MYL4: variants seen among roughly 807,000 people sequenced by gnomAD.
The protein encoded by MYL4 is myosin light chain 4.
In MYL4, 16 loss-of-function variants were observed where a neutral mutation model predicts 21.6. That is an observed-to-expected ratio of 0.74 (90% CI 0.50 to 1.12). MYL4 has a LOEUF of 1.12. MYL4 is among the 50% of genes most tolerant of loss of function. MYL4 has a pLI of 0.00. For missense variants in MYL4, 249 were observed against 252.9 expected, an observed-to-expected ratio of 0.98 and a Z score of 0.11; for synonymous variants, 82 against 95.7, an observed-to-expected ratio of 0.86 and a Z score of 0.83.
In MYL4 at chr17:47,223,051, C is replaced by G. The variant is rs1347254635; in HGVS notation, c.*9C>G. ...ACATCATGTCAGGGTGAAGCAGAGT[C>G]TTCCAGGTGAGTGCAGCCTCTCCCT... is the stretch of plus-strand genomic sequence containing the variant. On this transcript the variant is annotated 3_prime_UTR_variant, in exon 6 of 7. Transcript: ENST00000393450. The G allele has an allele frequency of 6.2e-7, 1 of 1,614,144 alleles. No individual in the cohort carries two copies. Among genetic ancestry groups the G allele is most frequent in the Admixed American group, 1.7e-5 (1 of 60,030 alleles).
At position 47,223,099 on chromosome 17, in the gene MYL4, T is replaced by C. The variant is rs535847808; in HGVS notation, c.*15+42T>C. 1.8e-5 allele frequency: 29 copies of C among 1,603,848 alleles called. No individual in the cohort carries two copies. The Middle Eastern group carries it at 1.5e-3, about 82-fold the overall frequency. On this transcript the variant is annotated intron_variant, in intron 6 of 6. Coordinates refer to ENST00000393450, the MANE Select transcript of MYL4 (RefSeq NM_002476.2). ...CCTCCTGGTCCCTTCCGGGGTCACA[T>C]AGGGCCTTAAGAATAACACCATGTG...
chr17:47,195,023 G>A, the MYL4 span, among the ~76,000 whole-genome samples: 8 of 149,618 alleles, frequency 5.3e-5, no homozygotes, highest in African/African-American at 2.0e-4. Flanking sequence ...TTACAGGCGT[G>A]AGCCACGGTG....
At chr17:47,209,107 C>T (rs2064752192), upstream of MYL4, 1 of 482,912 alleles carries the variant, frequency 2.1e-6, no homozygotes, top group South Asian at 2.3e-5. Context: ...TTTCCCTGGT[C>T]CTTCTGGGTT....
the MYL4 span, among the ~76,000 whole-genome samples, chr17:47,192,268 C>T: frequency 2.0e-5 from 3 of 148,846 alleles, no homozygotes; most frequent in African/African-American, 4.9e-5. Flanking sequence ...GCAGGAGAAT[C>T]GCTTGAACCT....
At chr17:47,205,242 C>T (rs2064723152), upstream of MYL4, among the ~76,000 whole-genome samples, 1 of 152,236 alleles carries the variant, frequency 6.6e-6, no homozygotes, top group African/African-American at 2.4e-5. Flanking sequence ...CTCAGCAACT[C>T]TGGCTCAGAA....
At chr17:47,193,336 C>G in the MYL4 span, among the ~76,000 whole-genome samples, 30 of 152,074 alleles carry the variant, frequency 2.0e-4, 1 homozygote, top group Non-Finnish European at 3.8e-4. Context: ...GGCGCTATCT[C>G]GGCTCACTGC....
chr17:47,195,611 G>A (rs1298432476), upstream of MYL4, among the ~76,000 whole-genome samples: 2 of 152,118 alleles, frequency 1.3e-5, no homozygotes, highest in Non-Finnish European at 2.9e-5. Flanking sequence ...CGCCTGCCAT[G>A]GCCTCCCAAA....
chr17:47,212,151 G>A (rs888064638), intron 1 of MYL4, among the ~76,000 whole-genome samples: 7 of 152,038 alleles, frequency 4.6e-5, no homozygotes, highest in African/African-American at 1.7e-4. Flanking sequence ...GGGAGGCGAA[G>A]GTCGCAGTGA....
At chr17:47,221,330 C>T (rs1336386575) in intron 3 of MYL4, among the ~76,000 whole-genome samples, 1 of 152,120 alleles carries the variant, frequency 6.6e-6, no homozygotes, top group Non-Finnish European at 1.5e-5. Context: ...AGGCCCGGGC[C>T]GCGTGGCACT....
intron 1 of MYL4, among the ~76,000 whole-genome samples, chr17:47,203,020 C>T (rs192083723): frequency 2.0e-4 from 30 of 152,232 alleles, no homozygotes; most frequent in East Asian, 7.7e-4. Context: ...GGTACAATCT[C>T]GGCTCACTGC....
At chr17:47,224,920 C>T (rs756602188), downstream of MYL4, among the ~76,000 whole-genome samples, 20 of 152,120 alleles carry the variant, frequency 1.3e-4, no homozygotes, top group Middle Eastern at 3.4e-3. Context: ...GGAAAAGAGA[C>T]GCCTGAAAAC....
intron 3 of MYL4, among the ~76,000 whole-genome samples, chr17:47,221,212 C>G (rs966820873): frequency 2.0e-5 from 3 of 152,174 alleles, no homozygotes; most frequent in Non-Finnish European, 4.4e-5. Flanking sequence ...GCTGTGTGGT[C>G]TAGTGATGGG....
chr17:47,200,642 C>T (rs1450538558), intron 1 of MYL4: 1 of 152,260 alleles, frequency 6.6e-6, no homozygotes, highest in Non-Finnish European at 1.5e-5. Context: ...CTGCCAAACA[C>T]CAGCTATCCT....
At chr17:47,223,320 G>A (rs2064870503) in intron 6 of MYL4, 189 bp from the exon 7 acceptor site, 2 of 468,518 alleles carry the variant, frequency 4.3e-6, no homozygotes, top group South Asian at 7.3e-5. Flanking sequence ...CTCAGGCCTG[G>A]GGCCTCCTGT....
At chr17:47,202,065 A>C (rs1192299063) in intron 1 of MYL4, among the ~76,000 whole-genome samples, 1 of 152,082 alleles carries the variant, frequency 6.6e-6, no homozygotes, top group African/African-American at 2.4e-5. Flanking sequence ...GGCTCACTGC[A>C]ATCTCCACCT....
At chr17:47,202,285 C>G (rs889110310) in intron 1 of MYL4, among the ~76,000 whole-genome samples, 3 of 152,198 alleles carry the variant, frequency 2.0e-5, no homozygotes, top group Non-Finnish European at 4.4e-5. Flanking sequence ...TGTGCCAGGC[C>G]CACATTCTTT....
the MYL4 span, among the ~76,000 whole-genome samples, chr17:47,190,394 A>G: frequency 6.6e-6 from 1 of 152,186 alleles, no homozygotes; most frequent in Non-Finnish European, 1.5e-5. Context: ...CTCCCCCCAA[A>G]AAGAGTGAAC....
At chr17:47,200,440 C>T (rs916335570), upstream of MYL4, 1 of 152,114 alleles carries the variant, frequency 6.6e-6, no homozygotes, top group Non-Finnish European at 1.5e-5. Flanking sequence ...GTTCTGCCAG[C>T]TCCCATGGTT....
At chr17:47,194,060 C>G in the MYL4 span, among the ~76,000 whole-genome samples, 1 of 152,228 alleles carries the variant, frequency 6.6e-6, no homozygotes, top group Non-Finnish European at 1.5e-5. Flanking sequence ...CCTATCCATT[C>G]TTGTGGCCCC....
Sources: allele counts gnomAD v4.1 joint callset (sites outside exome capture counted in the v4.1 genomes callset), GRCh38; gene constraint gnomAD v4.1.1; transcripts MANE v1.5; gene names NCBI Gene and HGNC (gene_info 2026-07-23, HGNC 2026-07-21).